CAPZA2: variants seen among roughly 807,000 people sequenced by gnomAD.
The protein encoded by CAPZA2 is capping actin protein of muscle Z-line subunit alpha 2.
A neutral mutation model predicts 44.0 loss-of-function variants in CAPZA2; 13 were observed. The observed-to-expected ratio is 0.30, with a 90% CI of 0.19 to 0.47. CAPZA2 has a LOEUF of 0.47. Ranked by LOEUF, CAPZA2 falls within the 20% of genes least tolerant of loss-of-function variation. The pLI is 1.00. For synonymous variants in CAPZA2, 94 were observed against 108.2 expected, an observed-to-expected ratio of 0.87 and a Z score of 0.81; for missense variants, 244 against 338.6, an observed-to-expected ratio of 0.72 and a Z score of 2.19.
At chr7:116,875,325 C>A (rs1796607719) in intron 1 of CAPZA2, 1 of 152,116 alleles carries the variant, frequency 6.6e-6, no homozygotes, top group African/African-American at 2.4e-5. Context: ...GAACATTTCT[C>A]ACTATTTAAT....
At chr7:116,868,254 T>C (rs1796507659) in intron 1 of CAPZA2, among the ~76,000 whole-genome samples, 1 of 152,202 alleles carries the variant, frequency 6.6e-6, no homozygotes, top group African/African-American at 2.4e-5. Flanking sequence ...CCCTTTTCCA[T>C]TGGAATTCCT....
chr7:116,867,444 A>G (rs1002773500), intron 1 of CAPZA2, among the ~76,000 whole-genome samples: 2 of 152,210 alleles, frequency 1.3e-5, no homozygotes, highest in African/African-American at 4.8e-5. Flanking sequence ...AAGGAAGCCA[A>G]GTTCTTAAAA....
intron 1 of CAPZA2, among the ~76,000 whole-genome samples, chr7:116,887,416 T>A (rs1184394392): frequency 1.3e-5 from 2 of 151,982 alleles, no homozygotes; most frequent in African/African-American, 4.8e-5. Context: ...TAGTCCCAGC[T>A]GCTCAGGAGG....
intron 9 of CAPZA2, 114 bp downstream of exon 9, chr7:116,916,236 TTG>T: frequency 1.8e-6 from 2 of 1,101,890 alleles, no homozygotes; most frequent in South Asian, 2.1e-5. Flanking sequence ...AGTCTTTTTG[TTG>T]TGTGTCTGCT....
At chr7:116,910,464 C>A (rs1406910355) in intron 7 of CAPZA2, among the ~76,000 whole-genome samples, 153 bp downstream of exon 7, 1 of 152,096 alleles carries the variant, frequency 6.6e-6, no homozygotes, top group Non-Finnish European at 1.5e-5. Flanking sequence ...TGTTTTAAAT[C>A]TTTTAAATAA....
intron 9 of CAPZA2, among the ~76,000 whole-genome samples, chr7:116,916,969 G>A (rs751687938): frequency 3.9e-5 from 6 of 152,076 alleles, no homozygotes; most frequent in Non-Finnish European, 8.8e-5. Flanking sequence ...TTCAGGCTGT[G>A]TCTTAGCATT....
At chr7:116,880,101 G>T in intron 1 of CAPZA2, 1 of 470,186 alleles carries the variant, frequency 2.1e-6, no homozygotes, top group South Asian at 1.6e-5. Flanking sequence ...GATTTTGAAA[G>T]CAGAGGGCCT....
chr7:116,913,310 A>G (rs1039438794), intron 8 of CAPZA2, among the ~76,000 whole-genome samples: 2 of 152,174 alleles, frequency 1.3e-5, no homozygotes, highest in Non-Finnish European at 2.9e-5. Context: ...GAGATTTGAA[A>G]TATTAATAGA....
intron 1 of CAPZA2, among the ~76,000 whole-genome samples, chr7:116,884,704 T>A (rs889586344): frequency 6.6e-5 from 10 of 152,212 alleles, no homozygotes; most frequent in African/African-American, 2.4e-4. Context: ...ATTTCCAGTT[T>A]TGAGCAATTA....
intron 1 of CAPZA2, among the ~76,000 whole-genome samples, chr7:116,873,043 G>A (rs1318803036): frequency 1.3e-5 from 2 of 152,098 alleles, no homozygotes; most frequent in East Asian, 1.9e-4. Flanking sequence ...TCTGACTGCC[G>A]TTCATATCTG....
At chr7:116,909,173 T>C (rs1267398983) in intron 6 of CAPZA2, among the ~76,000 whole-genome samples, 1 of 152,158 alleles carries the variant, frequency 6.6e-6, no homozygotes. Context: ...ACTATCATTC[T>C]ATAGACTTTA....
At chr7:116,885,249 G>GTTT (rs575378654) in intron 1 of CAPZA2, among the ~76,000 whole-genome samples, 10 of 146,708 alleles carry the variant, frequency 6.8e-5, no homozygotes, top group African/African-American at 2.3e-4. Flanking sequence ...CAGCTCACTA[G>GTTT]TTTTTTTTTT....
At chr7:116,906,710 T>A in intron 6 of CAPZA2, 1 of 168,212 alleles carries the variant, frequency 5.9e-6, no homozygotes, top group Non-Finnish European at 1.3e-5. Context: ...ATGATACTAC[T>A]TTTGTGAACT....
At chr7:116,898,614 G>T (rs1001160132) in intron 3 of CAPZA2, among the ~76,000 whole-genome samples, 158 bp from the exon 4 acceptor site, 1 of 152,100 alleles carries the variant, frequency 6.6e-6, no homozygotes. Flanking sequence ...GTCATTATTT[G>T]TAGTTAGTAT....
intron 4 of CAPZA2, among the ~76,000 whole-genome samples, chr7:116,903,660 T>C (rs13239000): frequency 0.23 from 34,994 of 152,136 alleles, 4,172 homozygotes; most frequent in East Asian, 0.4. Context: ...TGGAAGTCAA[T>C]TAAAATCAGT....
Position 116,917,966 on chromosome 7 carries a change from T to A in CAPZA2, c.*99T>A. On this transcript the variant is annotated 3_prime_UTR_variant, in exon 10 of 10. Coordinates refer to ENST00000361183, the MANE Select transcript of CAPZA2 (RefSeq NM_006136.3). ...CAAGCTGCCCAGTCAGATGGGCTGT[T>A]GCCATTTAAAATCACTGTAATTAAT... 1.1e-6 allele frequency: 1 copy of A among 890,486 alleles called. No individual in the cohort carries two copies. The highest frequency in any genetic ancestry group is 1.8e-6 in the Non-Finnish European group (1 of 560,964). 55.2% of individuals were successfully genotyped at this position (890,486 alleles called of 1,614,324 possible). A position where few individuals can be genotyped will look rare whatever the true frequency, so the allele number is the denominator to read the frequency against.
At chr7:116,885,814 C>T (rs1024741978) in intron 1 of CAPZA2, among the ~76,000 whole-genome samples, 4 of 152,180 alleles carry the variant, frequency 2.6e-5, no homozygotes, top group African/African-American at 9.7e-5. Flanking sequence ...GTGTTCAGCT[C>T]TTCCGAAGCT....
intron 1 of CAPZA2, among the ~76,000 whole-genome samples, chr7:116,881,318 C>CA (rs1796694926): frequency 6.6e-6 from 1 of 152,052 alleles, no homozygotes; most frequent in Admixed American, 6.5e-5. Flanking sequence ...GAACTAAGTA[C>CA]AAAGAGCAAA....
Position 116,918,082 on chromosome 7 carries a change from GTCT to G in CAPZA2, c.*217_*219del. On this transcript the variant is annotated 3_prime_UTR_variant, in exon 10 of 10. Coordinates refer to ENST00000361183, the MANE Select transcript of CAPZA2 (RefSeq NM_006136.3). ...GATTGAAAATCAGTTTAGTTTAAAT[GTCT>G]TTCTGTTAGGCCTTTCTTTCTTACA... 2.3e-6 allele frequency: 1 copy of G among 434,214 alleles called. No homozygotes were observed. Among genetic ancestry groups the G allele is most frequent in the South Asian group, 4.2e-5 (1 of 24,026 alleles). 26.9% of individuals were successfully genotyped at this position (434,214 alleles called of 1,614,324 possible).
Sources: gnomAD v4.1 joint callset for allele counts (sites outside exome capture counted in the v4.1 genomes callset) on GRCh38, gnomAD v4.1.1 for gene constraint, MANE v1.5 for transcripts, NCBI Gene and HGNC (gene_info 2026-07-23, HGNC 2026-07-21) for gene names.